Variants in ADAMTS12 observed in about 807,000 individuals in gnomAD.
The protein encoded by ADAMTS12 is A disintegrin and metalloproteinase with thrombospondin motifs 12.
Under a neutral mutation model 167.8 loss-of-function variants are expected in ADAMTS12, and 118 were observed. The ratio of observed to expected loss-of-function variants is 0.70; its 90% CI spans 0.61 to 0.82. The LOEUF (loss-of-function observed/expected upper bound fraction) is 0.82. Ranked by LOEUF, ADAMTS12 falls within the 40% of genes least tolerant of loss-of-function variation. The pLI is 0.00. For missense variants in ADAMTS12, 1,916 were observed against 1,998.8 expected (o/e 0.96, Z 0.79); for synonymous variants, 704 against 716.9 (o/e 0.98, Z 0.29).
chr5:33,747,252 G>C (rs1744822183), intron 3 of ADAMTS12, among the ~76,000 whole-genome samples: 1 of 152,082 alleles, frequency 6.6e-6, no homozygotes, highest in African/African-American at 2.4e-5. Context: ...TGGGTCCAGG[G>C]GAGACAACTA....
intron 18 of ADAMTS12, 66 bp from the exon 19 acceptor site, chr5:33,577,226 T>C (rs1022702885): frequency 8.1e-6 from 13 of 1,607,170 alleles, no homozygotes; most frequent in Non-Finnish European, 1.1e-5. Context: ...GTTAGGTCTA[T>C]AACAGATCAA....
intron 3 of ADAMTS12, among the ~76,000 whole-genome samples, chr5:33,738,028 C>A (rs1181739126): frequency 6.6e-6 from 1 of 152,184 alleles, no homozygotes; most frequent in East Asian, 1.9e-4. Flanking sequence ...AAGCCCTCAC[C>A]TTAACTTCAG....
chr5:33,630,511 T>C (rs1425909532), intron 13 of ADAMTS12, among the ~76,000 whole-genome samples: 1 of 152,240 alleles, frequency 6.6e-6, no homozygotes, highest in African/African-American at 2.4e-5. Context: ...TGATAATTCC[T>C]CTTTTTCATG....
intron 2 of ADAMTS12, among the ~76,000 whole-genome samples, chr5:33,809,397 C>T (rs1248106975): frequency 2.0e-5 from 3 of 152,164 alleles, no homozygotes; most frequent in Non-Finnish European, 2.9e-5. Flanking sequence ...CTTGTGGCTT[C>T]TATTATTGCT....
chr5:33,828,050 C>G (rs896790268), intron 2 of ADAMTS12, among the ~76,000 whole-genome samples: 1 of 152,130 alleles, frequency 6.6e-6, no homozygotes, highest in Non-Finnish European at 1.5e-5. Context: ...AGGGCATATA[C>G]CCAGGAATGG....
At chr5:33,792,449 T>C (rs1667573321) in intron 2 of ADAMTS12, among the ~76,000 whole-genome samples, 1 of 152,272 alleles carries the variant, frequency 6.6e-6, no homozygotes, top group South Asian at 2.1e-4. Context: ...AAATTCTGTC[T>C]GAAAAGTACT....
At chr5:33,682,925 A>G (rs1742181610) in intron 5 of ADAMTS12, 93 bp downstream of exon 5, 3 of 981,218 alleles carry the variant, frequency 3.1e-6, no homozygotes, top group Non-Finnish European at 4.6e-6. Context: ...ACTTTCTGGT[A>G]CCCTCTTTCT....
At chr5:33,559,353 A>G (rs1745630328) in intron 20 of ADAMTS12, among the ~76,000 whole-genome samples, 1 of 152,168 alleles carries the variant, frequency 6.6e-6, no homozygotes, top group Admixed American at 6.5e-5. Context: ...CTACCTGCCA[A>G]CTGGCCCTCA....
chr5:33,862,151 T>C (rs1385970227), intron 2 of ADAMTS12, among the ~76,000 whole-genome samples: 1 of 151,992 alleles, frequency 6.6e-6, no homozygotes, highest in Admixed American at 6.6e-5. Flanking sequence ...ATTCAAAACC[T>C]AGCAAAAGAC....
intron 16 of ADAMTS12, among the ~76,000 whole-genome samples, chr5:33,607,063 C>T (rs1017673765): frequency 6.6e-6 from 1 of 152,096 alleles, no homozygotes; most frequent in Non-Finnish European, 1.5e-5. Context: ...AGATTCAACA[C>T]TCATTTATAA....
chr5:33,531,050 A>C (rs1331344131), intron 23 of ADAMTS12, among the ~76,000 whole-genome samples: 1 of 152,210 alleles, frequency 6.6e-6, no homozygotes. Flanking sequence ...AGACACAGAG[A>C]GAGACACACA....
chr5:33,771,838 C>CTT lies in ADAMTS12; in HGVS notation c.490-20292_490-20291dup, dbSNP rs1282325654. Among the ~76,000 whole-genome samples the CTT allele has an allele frequency of 7.6e-3, 1,099 of 144,338 alleles. 16 individuals are homozygous for CTT. Among genetic ancestry groups the CTT allele is most frequent in the African/African-American group, 0.027 (1,056 of 39,478 alleles). The allele number at this position is 144,338 out of a possible 152,430, so 94.7% of individuals were successfully genotyped here. ...CCTCATCCTTTTTCTTTCTTTCTTT[C>CTT]TTTTTTTTTTTTGACAAGGTCTTGC... On this transcript the variant is annotated intron_variant, in intron 2 of 23. Coordinates refer to ENST00000504830, the MANE Select transcript of ADAMTS12 (RefSeq NM_030955.4).
chr5:33,753,643 T>G (rs553475065), intron 2 of ADAMTS12, among the ~76,000 whole-genome samples: 1 of 152,124 alleles, frequency 6.6e-6, no homozygotes, highest in South Asian at 2.1e-4. Flanking sequence ...TATTGATATT[T>G]CCTCAGCCTC....
intron 3 of ADAMTS12, among the ~76,000 whole-genome samples, chr5:33,701,597 T>A (rs1743006640): frequency 6.6e-6 from 1 of 152,172 alleles, no homozygotes; most frequent in Non-Finnish European, 1.5e-5. Context: ...CTTCATATCT[T>A]AAATGGTCAA....
intron 2 of ADAMTS12, among the ~76,000 whole-genome samples, chr5:33,836,381 G>A (rs1748529267): frequency 6.6e-6 from 1 of 152,156 alleles, no homozygotes; most frequent in South Asian, 2.1e-4. Flanking sequence ...GCTAGACAGG[G>A]GTGGCACATT....
chr5:33,758,402 G>C (rs1745238131), intron 2 of ADAMTS12, among the ~76,000 whole-genome samples: 1 of 152,116 alleles, frequency 6.6e-6, no homozygotes, highest in South Asian at 2.1e-4. Flanking sequence ...CTGACATTCA[G>C]CCTCTTGGCA....
At chr5:33,739,971 T>C (rs1387255174) in intron 3 of ADAMTS12, among the ~76,000 whole-genome samples, 1 of 152,206 alleles carries the variant, frequency 6.6e-6, no homozygotes, top group East Asian at 1.9e-4. Context: ...GAATAAAGAA[T>C]GTCAAGATTG....
intron 2 of ADAMTS12, among the ~76,000 whole-genome samples, chr5:33,821,349 T>C (rs1412018063): frequency 6.6e-6 from 1 of 152,212 alleles, no homozygotes; most frequent in African/African-American, 2.4e-5. Context: ...AATTTTCCAC[T>C]GTATGAAGAT....
At chr5:33,839,445 C>T (rs1360450812) in intron 2 of ADAMTS12, among the ~76,000 whole-genome samples, 1 of 152,132 alleles carries the variant, frequency 6.6e-6, no homozygotes. Context: ...GGTGTGTGTC[C>T]TTTCCACATC....
Sources: allele counts gnomAD v4.1 joint callset (sites outside exome capture counted in the v4.1 genomes callset), GRCh38; gene constraint gnomAD v4.1.1; transcripts MANE v1.5; gene names NCBI Gene and HGNC (gene_info 2026-07-23, HGNC 2026-07-21).